The following CSMD1 variants were observed in gnomAD, a reference collection of about 807,000 sequenced individuals.
CSMD1 encodes the protein CUB and Sushi multiple domains 1.
In CSMD1, 213 loss-of-function variants were observed where a neutral mutation model predicts 417.5. That is an observed-to-expected ratio of 0.51 (90% CI 0.46 to 0.57). The LOEUF is 0.57. Among genes scored for constraint, CSMD1 ranks in the 20% least tolerant of loss-of-function variants. The pLI is 0.00. For synonymous variants in CSMD1, 2,862 were observed against 1,736.8 expected, an observed-to-expected ratio of 1.65 and a Z score of -16.11; for missense variants, 6,923 against 4,529.7, an observed-to-expected ratio of 1.53 and a Z score of -15.17.
At chr8:3,456,452 C>A (rs981890246) in intron 12 of CSMD1, among the ~76,000 whole-genome samples, 1 of 152,180 alleles carries the variant, frequency 6.6e-6, no homozygotes, top group Admixed American at 6.5e-5. Flanking sequence ...CCCTTACTCT[C>A]CTATTTTCTA....
At chr8:4,122,572 G>GGACA (rs1368659850) in intron 3 of CSMD1, among the ~76,000 whole-genome samples, 3 of 152,158 alleles carry the variant, frequency 2.0e-5, no homozygotes, top group Non-Finnish European at 4.4e-5. Flanking sequence ...AATGTTTGGA[G>GGACA]GACATCGCAT....
intron 5 of CSMD1, among the ~76,000 whole-genome samples, chr8:3,974,103 T>G (rs539945976): frequency 6.6e-6 from 1 of 152,178 alleles, no homozygotes; most frequent in Admixed American, 6.6e-5. Flanking sequence ...TATTTCTAAT[T>G]ACTTTTTGTA....
At chr8:3,294,802 C>G (rs954130107) in intron 25 of CSMD1, among the ~76,000 whole-genome samples, 2 of 152,156 alleles carry the variant, frequency 1.3e-5, no homozygotes, top group African/African-American at 2.4e-5. Context: ...CCTGCTTTGG[C>G]TCCCGCTTGG....
At chr8:3,059,369 C>A (rs200268193) in intron 49 of CSMD1, among the ~76,000 whole-genome samples, 1 of 44,182 alleles carries the variant, frequency 2.3e-5, no homozygotes, top group African/African-American at 5.4e-5. Flanking sequence ...TTTTTCTCTG[C>A]TTTTCTCTGC....
At chr8:4,754,119 T>C (rs1811517879) in intron 1 of CSMD1, among the ~76,000 whole-genome samples, 1 of 152,220 alleles carries the variant, frequency 6.6e-6, no homozygotes, top group African/African-American at 2.4e-5. Context: ...ACATTAAACA[T>C]TTATTCTTGG....
intron 41 of CSMD1, chr8:3,128,643 C>T (rs1817635286): frequency 6.6e-6 from 2 of 305,310 alleles, no homozygotes; most frequent in Admixed American, 4.5e-5. Flanking sequence ...CAAACACTGA[C>T]AAACTATCTA....
intron 4 of CSMD1, among the ~76,000 whole-genome samples, chr8:4,028,939 A>G (rs964273940): frequency 6.6e-6 from 1 of 152,222 alleles, no homozygotes; most frequent in Non-Finnish European, 1.5e-5. Flanking sequence ...GTAAAATAGT[A>G]TTTTTGGAAA....
chr8:3,526,732 A>G (rs1436979361), intron 10 of CSMD1, among the ~76,000 whole-genome samples: 1 of 152,194 alleles, frequency 6.6e-6, no homozygotes, highest in South Asian at 2.1e-4. Flanking sequence ...ATCCCCTTCA[A>G]TAAGTTACTT....
At chr8:4,825,254 G>A (rs1181849493) in intron 1 of CSMD1, among the ~76,000 whole-genome samples, 8 of 152,032 alleles carry the variant, frequency 5.3e-5, no homozygotes, top group Non-Finnish European at 1.2e-4. Flanking sequence ...TTTGAAATAT[G>A]CATACACCCA....
intron 49 of CSMD1, among the ~76,000 whole-genome samples, chr8:3,078,096 A>T (rs17079297): frequency 0.33 from 49,463 of 152,120 alleles, 8,150 homozygotes; most frequent in East Asian, 0.39. Flanking sequence ...TAGCATTTTT[A>T]AAATGTGTGA....
chr8:3,313,185 A>C (rs539086989), intron 23 of CSMD1, among the ~76,000 whole-genome samples: 1 of 152,178 alleles, frequency 6.6e-6, no homozygotes. Flanking sequence ...AACCTAGGCA[A>C]TACCATTCAG....
chr8:4,493,635 G>C (rs973067886), intron 2 of CSMD1, among the ~76,000 whole-genome samples: 2 of 152,164 alleles, frequency 1.3e-5, no homozygotes, highest in Non-Finnish European at 2.9e-5. Flanking sequence ...TTTGATGCTG[G>C]AGTGAGCTAT....
chr8:4,353,719 C>T (rs1265368042), intron 3 of CSMD1, among the ~76,000 whole-genome samples: 1 of 150,886 alleles, frequency 6.6e-6, no homozygotes, highest in Non-Finnish European at 1.5e-5. Context: ...CTTTGTGAAC[C>T]ACAGTTTTTG....
chr8:3,755,038 G>A (rs369324660), intron 5 of CSMD1, among the ~76,000 whole-genome samples: 2 of 152,298 alleles, frequency 1.3e-5, no homozygotes, highest in South Asian at 2.1e-4. Flanking sequence ...ACTTTACAAC[G>A]TGCAGTTTAG....
rs147640608 is a variant in CSMD1 at position 3,786,045 on chromosome 8, G to C, written c.819-32003C>G. On this transcript the variant is annotated intron_variant, in intron 5 of 69. Coordinates refer to ENST00000635120, the MANE Select transcript of CSMD1 (RefSeq NM_033225.6). Reference sequence around the variant, plus strand: ...GAAGAAAATTAGAAGGACGGAAGAAGTGATGTTTGGGAGGTGAGAATGAGC... The same window carrying C: ...GAAGAAAATTAGAAGGACGGAAGAACTGATGTTTGGGAGGTGAGAATGAGC... Among the ~76,000 whole-genome samples the C allele has an allele frequency of 2.8e-4, 43 of 152,238 alleles. No individual in the cohort carries two copies. The East Asian group carries it at 8.0e-3, about 28-fold the overall frequency.
At chr8:4,903,879 C>G (rs560080415) in intron 1 of CSMD1, among the ~76,000 whole-genome samples, 1 of 152,316 alleles carries the variant, frequency 6.6e-6, no homozygotes, top group East Asian at 1.9e-4. Context: ...GCATGGATGC[C>G]TTCAACGCCG....
chr8:3,029,076 G>A (rs1390371835), intron 51 of CSMD1, among the ~76,000 whole-genome samples: 1 of 151,942 alleles, frequency 6.6e-6, no homozygotes, highest in Admixed American at 6.6e-5. Flanking sequence ...AAATACAGTT[G>A]GAGAAATACA....
chr8:3,473,019 G>C (rs1000305609), intron 11 of CSMD1, among the ~76,000 whole-genome samples: 2 of 151,912 alleles, frequency 1.3e-5, no homozygotes, highest in East Asian at 3.9e-4. Context: ...TCTGTCTCCT[G>C]GTTCTGGCAT....
At chr8:4,656,482 G>C (rs769604996) in intron 1 of CSMD1, among the ~76,000 whole-genome samples, 2 of 151,844 alleles carry the variant, frequency 1.3e-5, no homozygotes, top group Non-Finnish European at 2.9e-5. Context: ...GAACATTTAC[G>C]GACCATTTCA....
Sources: gnomAD v4.1 joint callset for allele counts (sites outside exome capture counted in the v4.1 genomes callset) on GRCh38, gnomAD v4.1.1 for gene constraint, MANE v1.5 for transcripts, NCBI Gene and HGNC (gene_info 2026-07-23, HGNC 2026-07-21) for gene names.